FNDC3A: variants seen among roughly 807,000 people sequenced by gnomAD.
FNDC3A encodes fibronectin type III domain containing 3A, also known as fibronectin type-III domain-containing protein 3A.
A neutral mutation model predicts 148.9 loss-of-function variants in FNDC3A; 32 were observed. The observed-to-expected ratio is 0.21, with a 90% CI of 0.16 to 0.29. FNDC3A has a LOEUF of 0.29. Among genes scored for constraint, FNDC3A ranks in the 10% least tolerant of loss-of-function variants. The pLI, the probability that FNDC3A is intolerant of heterozygous loss-of-function variation, is 1.00. For synonymous variants in FNDC3A, 472 were observed against 473.6 expected (o/e 1.00, Z 0.04); for missense variants, 1,191 against 1,452.8 (o/e 0.82, Z 2.93).
At chr13:49,032,983 CTAAG>C (rs1482654312) in intron 2 of FNDC3A, among the ~76,000 whole-genome samples, 1 of 152,046 alleles carries the variant, frequency 6.6e-6, no homozygotes, top group Admixed American at 6.5e-5. Flanking sequence ...TATTATAAGA[CTAAG>C]TATTATCAAT....
At chr13:49,127,982 A>G (rs1034403345) in intron 4 of FNDC3A, among the ~76,000 whole-genome samples, 4 of 152,112 alleles carry the variant, frequency 2.6e-5, no homozygotes, top group Non-Finnish European at 5.9e-5. Flanking sequence ...CCCGGGTTCA[A>G]ACGATTCTCT....
intron 8 of FNDC3A, among the ~76,000 whole-genome samples, chr13:49,157,942 T>C (rs1452390751): frequency 6.9e-6 from 1 of 145,894 alleles, no homozygotes; most frequent in Non-Finnish European, 1.5e-5. Flanking sequence ...GACAGGGACA[T>C]TTAAGTCTGC....
chr13:49,019,310 C>A (rs537122183), intron 2 of FNDC3A, among the ~76,000 whole-genome samples: 1 of 152,236 alleles, frequency 6.6e-6, no homozygotes, highest in East Asian at 1.9e-4. Flanking sequence ...TCTGGTGCGC[C>A]GTTTTTTAAG....
chr13:49,182,669 A>G (rs1885367800), intron 14 of FNDC3A, among the ~76,000 whole-genome samples: 1 of 151,614 alleles, frequency 6.6e-6, no homozygotes, highest in African/African-American at 2.4e-5. Flanking sequence ...AGGTCTTTTT[A>G]TAGGTAAAGA....
intron 14 of FNDC3A, among the ~76,000 whole-genome samples, chr13:49,183,577 TA>T (rs970890598): frequency 2.6e-5 from 4 of 152,210 alleles, no homozygotes; most frequent in Admixed American, 2.0e-4. Context: ...TATAGAGCCT[TA>T]AAAACATAAT....
chr13:49,120,407 C>A (rs906148948), intron 4 of FNDC3A, among the ~76,000 whole-genome samples: 1 of 152,132 alleles, frequency 6.6e-6, no homozygotes. Flanking sequence ...TAAAGACCAT[C>A]GACTCTATGA....
intron 4 of FNDC3A, among the ~76,000 whole-genome samples, chr13:49,121,905 A>G (rs1020022629): frequency 6.6e-6 from 1 of 152,216 alleles, no homozygotes; most frequent in African/African-American, 2.4e-5. Context: ...TTCACAGCCT[A>G]ATTCTACCAG....
chr13:49,070,260 T>C (rs1318933244), intron 2 of FNDC3A, among the ~76,000 whole-genome samples: 2 of 152,052 alleles, frequency 1.3e-5, no homozygotes, highest in Admixed American at 1.3e-4. Context: ...GCCTCCTGAG[T>C]AGCTGGGGTT....
At chr13:49,186,216 A>G (rs1260744676) in intron 15 of FNDC3A, 114 bp downstream of exon 15, 14 of 848,022 alleles carry the variant, frequency 1.7e-5, no homozygotes, top group Non-Finnish European at 2.4e-5. Context: ...AGCCAGTCCA[A>G]AAAGAAATGT....
chr13:49,075,445 T>C, intron 3 of FNDC3A, 81 bp downstream of exon 3: 1 of 737,698 alleles, frequency 1.4e-6, no homozygotes, highest in Non-Finnish European at 2.3e-6. Context: ...TATATGCCTA[T>C]GGTTTCTTCC....
At chr13:48,983,870 A>G (rs541812413) in intron 1 of FNDC3A, among the ~76,000 whole-genome samples, 2 of 152,338 alleles carry the variant, frequency 1.3e-5, no homozygotes, top group African/African-American at 4.8e-5. Context: ...TACATTAAGA[A>G]CAAGAAAAAT....
chr13:49,198,973 C>T (rs1445306587), intron 23 of FNDC3A, among the ~76,000 whole-genome samples: 3 of 152,066 alleles, frequency 2.0e-5, no homozygotes, highest in African/African-American at 7.2e-5. Flanking sequence ...GTAAAAGACA[C>T]CTAATCTTAG....
chr13:49,038,888 T>C (rs1313273711), intron 2 of FNDC3A, among the ~76,000 whole-genome samples: 1 of 152,224 alleles, frequency 6.6e-6, no homozygotes, highest in Non-Finnish European at 1.5e-5. Context: ...AATTTGGTTT[T>C]GTAGATTTTT....
intron 2 of FNDC3A, among the ~76,000 whole-genome samples, chr13:49,010,260 T>C (rs1952311126): frequency 6.6e-6 from 1 of 152,254 alleles, no homozygotes; most frequent in Non-Finnish European, 1.5e-5. Context: ...GGTAGCCTGG[T>C]ACCTGGCCTG....
chr13:49,174,508 C>G lies in FNDC3A; in HGVS notation c.1304C>G (p.Pro435Arg). The change falls in exon 12 of 26, where the codon CCA becomes CGA. Residue 435 changes from proline (P) to arginine (R), a missense_variant. Around this residue, in one of 3 missense-constraint regions of FNDC3A, gnomAD observed 751 missense variants for 944.0 expected, o/e 0.80. Transcript: ENST00000492622. ...CAATTTAAAATTACTAAACTTTCAC[C>G]AGCAATGGGCTGTAAATTCAGACTA... The part of the protein sequence containing the change: ...QKQFKITKLS[P>R]AMGCKFRLSA... The G allele has an allele frequency of 6.2e-7, 1 of 1,612,334 alleles. No individual in the cohort carries two copies. Among genetic ancestry groups the G allele is most frequent in the South Asian group, 1.1e-5 (1 of 90,998 alleles).
intron 2 of FNDC3A, among the ~76,000 whole-genome samples, chr13:49,073,809 T>TTATATATGTGTATATATTA (rs1491156177): frequency 2.9e-4 from 42 of 146,500 alleles, no homozygotes; most frequent in African/African-American, 1.0e-3. Flanking sequence ...TGTATATATA[T>TTATATATGTGTATATATTA]TATATATGTG....
At chr13:49,206,119 T>C (rs754772609) in intron 25 of FNDC3A, among the ~76,000 whole-genome samples, 9 of 152,210 alleles carry the variant, frequency 5.9e-5, no homozygotes, top group Non-Finnish European at 1.3e-4. Context: ...TGCTCATTAT[T>C]GGAAATGATA....
At chr13:48,979,694 A>G (rs572511727) in intron 1 of FNDC3A, among the ~76,000 whole-genome samples, 23 of 152,238 alleles carry the variant, frequency 1.5e-4, no homozygotes, top group African/African-American at 4.8e-4. Flanking sequence ...TGTATAATGG[A>G]TAGCTTATAT....
At chr13:49,026,888 A>G (rs2137655027) in intron 2 of FNDC3A, among the ~76,000 whole-genome samples, 1 of 152,348 alleles carries the variant, frequency 6.6e-6, no homozygotes, top group African/African-American at 2.4e-5. Context: ...TTGGTTAACT[A>G]TATAGTTAAA....
Sources: allele counts gnomAD v4.1 joint callset (sites outside exome capture counted in the v4.1 genomes callset), GRCh38; gene constraint gnomAD v4.1.1; regional missense constraint gnomAD v4.1.1; transcripts MANE v1.5; gene names NCBI Gene and HGNC (gene_info 2026-07-23, HGNC 2026-07-21).